Variants in DYNC1I1 observed in about 807,000 individuals in gnomAD.
DYNC1I1 encodes the protein dynein cytoplasmic 1 intermediate chain 1, also known as cytoplasmic dynein 1 intermediate chain 1.
In DYNC1I1, 43 loss-of-function variants were observed where a neutral mutation model predicts 86.6. The observed-to-expected ratio is 0.50, with a 90% CI of 0.39 to 0.64. The LOEUF (loss-of-function observed/expected upper bound fraction) is 0.64, where lower values mean the gene tolerates loss of function less well. Ranked by LOEUF, DYNC1I1 falls within the 30% of genes least tolerant of loss-of-function variation. The pLI, the probability that DYNC1I1 is intolerant of heterozygous loss-of-function variation, is 0.00. For missense variants in DYNC1I1, 604 were observed against 788.8 expected, an observed-to-expected ratio of 0.77 and a Z score of 2.81; for synonymous variants, 262 against 283.7, an observed-to-expected ratio of 0.92 and a Z score of 0.77.
At chr7:95,829,022 A>G (rs140722518) in intron 5 of DYNC1I1, among the ~76,000 whole-genome samples, 16 of 152,340 alleles carry the variant, frequency 1.1e-4, no homozygotes, top group Non-Finnish European at 2.1e-4. Flanking sequence ...ATTTACCGAC[A>G]GAGCACTGGA....
chr7:95,897,317 A>G (rs1057332449), intron 6 of DYNC1I1, among the ~76,000 whole-genome samples: 1 of 149,208 alleles, frequency 6.7e-6, no homozygotes. Context: ...TAATTTGTCT[A>G]GAGTGACTCT....
intron 10 of DYNC1I1, among the ~76,000 whole-genome samples, chr7:96,023,678 T>C (rs1794608166): frequency 6.6e-6 from 1 of 152,240 alleles, no homozygotes; most frequent in Admixed American, 6.5e-5. Context: ...TCTCTTTAAA[T>C]AGATGATGAA....
rs1050602538 is a variant in DYNC1I1 at position 96,087,550 on chromosome 7, A to G, written c.1776+7062A>G. Among the ~76,000 whole-genome samples the G allele has an allele frequency of 1.3e-4, 20 of 152,324 alleles. No individual in the cohort carries two copies. The East Asian group carries it at 3.3e-3, about 25-fold the overall frequency. On this transcript the variant is annotated intron_variant, in intron 16 of 16. Coordinates refer to ENST00000447467, the MANE Select transcript of DYNC1I1 (RefSeq NM_001135556.2). ...TGGCTTATTCTTAGGTGGATAAACAATATTATTTTCTTTAGCTGATACCAA... is the reference window on the plus strand; with the variant it reads ...TGGCTTATTCTTAGGTGGATAAACAGTATTATTTTCTTTAGCTGATACCAA...
At chr7:95,999,600 G>C (rs1217424310) in intron 10 of DYNC1I1, among the ~76,000 whole-genome samples, 2 of 152,196 alleles carry the variant, frequency 1.3e-5, no homozygotes, top group African/African-American at 4.8e-5. Context: ...CAGCTGCCCA[G>C]TGTTTGATTC....
intron 14 of DYNC1I1, among the ~76,000 whole-genome samples, chr7:96,054,342 T>C (rs775585648): frequency 3.9e-5 from 6 of 152,250 alleles, no homozygotes; most frequent in Admixed American, 6.5e-5. Flanking sequence ...CTGCATAGTA[T>C]TCCATGGTGT....
intron 16 of DYNC1I1, among the ~76,000 whole-genome samples, chr7:96,089,550 T>G (rs1790779175): frequency 6.6e-6 from 1 of 152,118 alleles, no homozygotes; most frequent in African/African-American, 2.4e-5. Flanking sequence ...AAAGAGTACT[T>G]ACCCTTCCCC....
chr7:95,915,701 C>A (rs1196390456), intron 6 of DYNC1I1, among the ~76,000 whole-genome samples: 1 of 152,086 alleles, frequency 6.6e-6, no homozygotes, highest in Non-Finnish European at 1.5e-5. Context: ...GAATGCAATT[C>A]CTCGTTGTCA....
At chr7:95,804,909 G>A in intron 2 of DYNC1I1, 72 bp downstream of exon 2, 1 of 1,501,664 alleles carries the variant, frequency 6.7e-7, no homozygotes, top group East Asian at 2.5e-5. Flanking sequence ...TGGTCAAATG[G>A]ATAAATAGGA....
At chr7:95,856,506 A>G (rs1789728264) in intron 5 of DYNC1I1, among the ~76,000 whole-genome samples, 1 of 152,118 alleles carries the variant, frequency 6.6e-6, no homozygotes. Context: ...GTTAAGGTTC[A>G]TTTTCAAAAT....
chr7:96,033,391 C>T (rs905266845), intron 12 of DYNC1I1, among the ~76,000 whole-genome samples: 2 of 152,188 alleles, frequency 1.3e-5, no homozygotes, highest in African/African-American at 4.8e-5. Context: ...GTGGGAGAGG[C>T]TGTCAAAGGG....
At chr7:96,107,431 G>A (rs1331377508) in intron 16 of DYNC1I1, among the ~76,000 whole-genome samples, 1 of 151,592 alleles carries the variant, frequency 6.6e-6, no homozygotes, top group Non-Finnish European at 1.5e-5. Context: ...ATCACCCTCT[G>A]GTGTCCTTTC....
chr7:95,925,085 TG>T (rs947835740), intron 6 of DYNC1I1, among the ~76,000 whole-genome samples: 58 of 152,318 alleles, frequency 3.8e-4, no homozygotes, highest in African/African-American at 1.3e-3. Context: ...AAATACGAGT[TG>T]CAATATTTGC....
intron 5 of DYNC1I1, among the ~76,000 whole-genome samples, chr7:95,854,728 GT>G (rs772394505): frequency 1.8e-4 from 27 of 152,162 alleles, no homozygotes; most frequent in Admixed American, 1.3e-4. Context: ...GCAACGAACA[GT>G]TCACAAATCA....
chr7:95,917,701 G>A (rs978527040), intron 6 of DYNC1I1, among the ~76,000 whole-genome samples: 3 of 152,322 alleles, frequency 2.0e-5, no homozygotes, highest in Middle Eastern at 6.8e-3. Flanking sequence ...CAACAGCATC[G>A]TGATAAAGTT....
chr7:95,870,069 T>A, intron 6 of DYNC1I1, 71 bp downstream of exon 6: 1 of 1,329,420 alleles, frequency 7.5e-7, no homozygotes, highest in Non-Finnish European at 1.0e-6. Context: ...ATCTTTCTTG[T>A]TGATTTCCTC....
At chr7:95,978,785 T>C (rs1441630917) in intron 7 of DYNC1I1, among the ~76,000 whole-genome samples, 1 of 150,712 alleles carries the variant, frequency 6.6e-6, no homozygotes, top group Non-Finnish European at 1.5e-5. Flanking sequence ...CCATATCATA[T>C]GGAGTTAAAT....
At chr7:95,964,172 T>C (rs1286950212) in intron 6 of DYNC1I1, among the ~76,000 whole-genome samples, 1 of 152,204 alleles carries the variant, frequency 6.6e-6, no homozygotes, top group African/African-American at 2.4e-5. Flanking sequence ...ATGGAAAATA[T>C]ATCAGTTCTC....
At chr7:96,074,437 G>C (rs1307395435) in intron 14 of DYNC1I1, among the ~76,000 whole-genome samples, 2 of 151,722 alleles carry the variant, frequency 1.3e-5, no homozygotes, top group Non-Finnish European at 2.9e-5. Context: ...TGTAGTCCCA[G>C]CTACTCGGGA....
At chr7:95,804,298 T>A (rs1794652955) in intron 1 of DYNC1I1, 1 of 1,161,382 alleles carries the variant, frequency 8.6e-7, no homozygotes, top group Admixed American at 3.3e-5. Context: ...CTCTAGGGGT[T>A]TATGACAGGC....
Sources: allele counts gnomAD v4.1 joint callset (sites outside exome capture counted in the v4.1 genomes callset), GRCh38; gene constraint gnomAD v4.1.1; transcripts MANE v1.5; gene names NCBI Gene and HGNC (gene_info 2026-07-23, HGNC 2026-07-21).